SPNS3: variants seen among roughly 807,000 people sequenced by gnomAD.
The protein encoded by SPNS3 is SPNS lysolipid transporter 3, sphingosine-1-phosphate (putative), also known as protein spinster homolog 3.
Under a neutral mutation model 54.4 loss-of-function variants are expected in SPNS3, and 51 were observed. That is an observed-to-expected ratio of 0.94 (90% confidence interval 0.75 to 1.18). The LOEUF (loss-of-function observed/expected upper bound fraction) is 1.18. Among genes scored for constraint, SPNS3 ranks in the 50% most tolerant of loss-of-function variants. The pLI, the probability that SPNS3 is intolerant of heterozygous loss-of-function variation, is 0.00. For missense variants in SPNS3, 669 were observed against 677.4 expected (o/e 0.99, Z 0.14); for synonymous variants, 309 against 294.7 (o/e 1.05, Z -0.50).
intron 1 of SPNS3, among the ~76,000 whole-genome samples, chr17:4,435,222 T>A (rs1227957134): frequency 6.6e-6 from 1 of 151,980 alleles, no homozygotes; most frequent in East Asian, 1.9e-4. Flanking sequence ...GAGGACTTTG[T>A]GACCAGCCTG....
intron 8 of SPNS3, among the ~76,000 whole-genome samples, chr17:4,459,650 T>C (rs1971441169): frequency 6.6e-6 from 1 of 151,916 alleles, no homozygotes. Context: ...AAGGTGGAGG[T>C]TGCGGTGAGC....
rs561753211 is a variant in SPNS3, at chr17:4,442,437, G to A, written c.266-2595G>A. On this transcript the variant is annotated intron_variant, in intron 2 of 11. Transcript: ENST00000355530. ...AATCCCAGCTACTTGGGAGGCTGAGGCAGGAGAATCACTTGAACCCAGAAG... is the reference window on the plus strand; with the variant it reads ...AATCCCAGCTACTTGGGAGGCTGAGACAGGAGAATCACTTGAACCCAGAAG... Among the ~76,000 whole-genome samples the A allele has an allele frequency of 7.9e-5, 12 of 152,108 alleles. 1 individual carries two copies. Among genetic ancestry groups the A allele is most frequent in the Non-Finnish European group, 1.2e-4 (8 of 68,030 alleles).
chr17:4,458,592 T>TTTCTTC (rs1341843952), intron 8 of SPNS3, among the ~76,000 whole-genome samples: 2 of 40,292 alleles, frequency 5.0e-5, no homozygotes, highest in Non-Finnish European at 1.0e-4. Flanking sequence ...TTCCCTCCTT[T>TTTCTTC]CTTTCTTTCT....
At chr17:4,468,755 T>TTCTTTCTTTCTTTCTC (rs1555531906) in intron 8 of SPNS3, among the ~76,000 whole-genome samples, 3 of 143,966 alleles carry the variant, frequency 2.1e-5, no homozygotes, top group African/African-American at 5.6e-5. Context: ...CTTTCTTTCT[T>TTCTTTCTTTCTTTCTC]TCTTTCTCTC....
In SPNS3 at chr17:4,454,671, C is replaced by A. The variant is rs536249756; in HGVS notation, c.1113+1466C>A. Among the ~76,000 whole-genome samples, 7 of 131,770 alleles carry A rather than the reference C, an allele frequency of 5.3e-5. No individual in the cohort carries two copies. The South Asian group carries it at 1.4e-3, about 27-fold the overall frequency. The allele number at this position is 131,770 out of a possible 152,430, so 86.4% of individuals were successfully genotyped here. On this transcript the variant is annotated intron_variant, in intron 8 of 11. Transcript: ENST00000355530. Reference sequence around the variant, plus strand: ...TTGCTCTGTCGCCCAGGCTGGAGTGCAGTGGCACGATCTTGGCTCACTGCA... The same window carrying A: ...TTGCTCTGTCGCCCAGGCTGGAGTGAAGTGGCACGATCTTGGCTCACTGCA...
In SPNS3 at chr17:4,472,286, G is replaced by A. The variant is rs761409808; in HGVS notation, c.1114-6286G>A. On this transcript the variant is annotated intron_variant, in intron 8 of 11. Transcript: ENST00000355530. ...GTGTAGGCAGCTCTGCTCAGAAACC[G>A]AATTTGCTTTGATGTAATGTGGATG... Among the ~76,000 whole-genome samples the A allele has an allele frequency of 5.9e-5, 9 of 152,040 alleles. No individual in the cohort carries two copies. In the East Asian group the frequency reaches 1.3e-3, roughly 23 times the overall value.
chr17:4,452,139 C>G (rs1188940954), intron 7 of SPNS3, among the ~76,000 whole-genome samples: 1 of 151,992 alleles, frequency 6.6e-6, no homozygotes, highest in Non-Finnish European at 1.5e-5. Flanking sequence ...AATTGTTGCC[C>G]AAGCTGGAGT....
intron 8 of SPNS3, among the ~76,000 whole-genome samples, chr17:4,463,013 G>C (rs11652149): frequency 1.3e-5 from 2 of 152,058 alleles, no homozygotes; most frequent in South Asian, 4.2e-4. Flanking sequence ...GAAGGGTATA[G>C]ACAGGCTCCA....
intron 6 of SPNS3, 128 bp from the exon 7 acceptor site, chr17:4,449,107 C>G: frequency 9.1e-7 from 1 of 1,095,238 alleles, no homozygotes; most frequent in Admixed American, 2.6e-5. Context: ...CAAATGCTAC[C>G]TATGGAATCT....
intron 8 of SPNS3, among the ~76,000 whole-genome samples, chr17:4,471,530 A>G (rs1158266087): frequency 6.6e-6 from 1 of 152,004 alleles, no homozygotes; most frequent in East Asian, 1.9e-4. Context: ...CAGTGGTGCA[A>G]TCATGGCTGT....
chr17:4,447,070 G>C, intron 5 of SPNS3, 108 bp downstream of exon 5: 3 of 1,092,674 alleles, frequency 2.7e-6, no homozygotes, highest in Non-Finnish European at 3.8e-6. Flanking sequence ...GCCATTAGGG[G>C]GACGGGGGGT....
chr17:4,483,852 C>T lies in SPNS3; in HGVS notation c.1180-2376C>T, dbSNP rs1972239011. 6.6e-6 allele frequency among the ~76,000 whole-genome samples: 1 copy of T among 152,138 alleles called. No homozygotes were observed. The stretch of plus-strand genomic sequence containing the variant: ...CCACTCTGCCCTGCCCACCACCAAA[C>T]CCCCTGCATCTGTCCCCTGGGATTC... On this transcript the variant is annotated intron_variant, in intron 9 of 11. Transcript: ENST00000355530. This position sits in a 1 kb window ranked among gnomAD's most constrained non-coding sequence, Gnocchi z 4.2.
intron 2 of SPNS3, among the ~76,000 whole-genome samples, chr17:4,444,381 AT>A (rs1295992053): frequency 1.3e-5 from 2 of 151,206 alleles, no homozygotes; most frequent in Non-Finnish European, 2.9e-5. Flanking sequence ...CACCTGGCTA[AT>A]TTTTTTGTAT....
Position 4,453,021 on chromosome 17 carries a change from T to G in SPNS3, c.929T>G (p.Ile310Ser). Residue 310 changes from isoleucine (I) to serine (S), a missense_variant, in exon 8 of 12, where the codon ATT (isoleucine) becomes AGT (serine). Ile to Ser is a moderately radical substitution (Grantham distance 142, BLOSUM62 -2). Coordinates refer to ENST00000355530, the MANE Select transcript of SPNS3 (RefSeq NM_182538.5). Reference sequence around the variant, plus strand: ...TCTGTGCTCTTCCCCATCAGCCTGATTTTTGGGGCACTGACCATCATGACC... The same window carrying G: ...TCTGTGCTCTTCCCCATCAGCCTGAGTTTTGGGGCACTGACCATCATGACC... ...QEPCSNPDSL[I>S]FGALTIMTGV... The G allele has an allele frequency of 1.2e-6, 2 of 1,613,108 alleles. No homozygotes were observed. The highest frequency in any genetic ancestry group is 1.7e-6 in the Non-Finnish European group (2 of 1,179,306).
At chr17:4,459,621 G>A (rs867962018) in intron 8 of SPNS3, among the ~76,000 whole-genome samples, 1 of 152,128 alleles carries the variant, frequency 6.6e-6, no homozygotes, top group African/African-American at 2.4e-5. Flanking sequence ...GCTGAGGCAG[G>A]AGAATCGCTT....
At chr17:4,452,375 G>C (rs1262148662) in intron 7 of SPNS3, among the ~76,000 whole-genome samples, 1 of 152,040 alleles carries the variant, frequency 6.6e-6, no homozygotes, top group African/African-American at 2.4e-5. Context: ...TATTTTGGAG[G>C]GACAGGTCTC....
At chr17:4,438,621 TTG>T (rs1970772893) in intron 1 of SPNS3, among the ~76,000 whole-genome samples, 1 of 152,220 alleles carries the variant, frequency 6.6e-6, no homozygotes, top group Non-Finnish European at 1.5e-5. Flanking sequence ...AAGAACAGGC[TTG>T]TGTGTGCACA....
At chr17:4,461,894 T>C (rs1466025299) in intron 8 of SPNS3, among the ~76,000 whole-genome samples, 1 of 152,022 alleles carries the variant, frequency 6.6e-6, no homozygotes, top group Non-Finnish European at 1.5e-5. Flanking sequence ...AGTGGAGGTG[T>C]TAGTAGACAG....
intron 8 of SPNS3, among the ~76,000 whole-genome samples, chr17:4,458,138 C>G (rs981879985): frequency 4.0e-5 from 6 of 151,814 alleles, no homozygotes; most frequent in Non-Finnish European, 4.4e-5. Flanking sequence ...CCAGGCCTAC[C>G]CTCCTCTCCG....
Sources: gnomAD v4.1 joint callset for allele counts (sites outside exome capture counted in the v4.1 genomes callset) on GRCh38, gnomAD v4.1.1 for gene constraint, Gnocchi (gnomAD v3.1) non-coding constraint, MANE v1.5 for transcripts, NCBI Gene and HGNC (gene_info 2026-07-23, HGNC 2026-07-21) for gene names.